The following PTPRK variants were observed in gnomAD, a reference collection of about 807,000 sequenced individuals.
PTPRK encodes protein tyrosine phosphatase receptor type K.
A neutral mutation model predicts 178.0 loss-of-function variants in PTPRK; 75 were observed. The ratio of observed to expected loss-of-function variants is 0.42; its 90% CI spans 0.35 to 0.51. PTPRK has a LOEUF of 0.51. Ranked by LOEUF, PTPRK falls within the 20% of genes least tolerant of loss-of-function variation. The pLI is 0.02. For missense variants in PTPRK, 1,441 were observed against 1,797.8 expected (o/e 0.80, Z 3.59); for synonymous variants, 637 against 620.6 (o/e 1.03, Z -0.39).
rs1269119964 is a variant in PTPRK, at chr6:127,969,768, T to C, written c.*459A>G. On this transcript the variant is annotated 3_prime_UTR_variant, in exon 30 of 30. Transcript: ENST00000368226. ...ATATTTATATAGAGATCTGCTACACTGGAAACATATAAAAAACGAACTTTA... is the reference window on the plus strand; with the variant it reads ...ATATTTATATAGAGATCTGCTACACCGGAAACATATAAAAAACGAACTTTA... 1 of 152,186 alleles carries C rather than the reference T, an allele frequency of 6.6e-6. No individual in the cohort carries two copies. Among genetic ancestry groups the C allele is most frequent in the Admixed American group, 6.6e-5 (1 of 15,266 alleles). 9.4% of individuals were successfully genotyped at this position (152,186 alleles called of 1,614,324 possible).
chr6:128,082,963 GA>G (rs1292309745), intron 9 of PTPRK, among the ~76,000 whole-genome samples: 1 of 151,878 alleles, frequency 6.6e-6, no homozygotes, highest in Non-Finnish European at 1.5e-5. Flanking sequence ...ATGAAACACA[GA>G]AAGTGTTTCA....
chr6:128,518,609 C>A (rs1858454452), intron 1 of PTPRK, among the ~76,000 whole-genome samples: 1 of 152,216 alleles, frequency 6.6e-6, no homozygotes, highest in African/African-American at 2.4e-5. Flanking sequence ...AATCAATACT[C>A]ACTCCAACTT....
At chr6:128,045,315 T>C (rs551605588) in intron 13 of PTPRK, among the ~76,000 whole-genome samples, 2 of 152,014 alleles carry the variant, frequency 1.3e-5, no homozygotes, top group Admixed American at 6.6e-5. Flanking sequence ...TATCATTTCT[T>C]TCCTCTATTT....
At chr6:128,296,001 C>T (rs928887276) in intron 3 of PTPRK, among the ~76,000 whole-genome samples, 6 of 152,118 alleles carry the variant, frequency 3.9e-5, no homozygotes, top group Admixed American at 1.3e-4. Flanking sequence ...AATCAAGTTC[C>T]TAGCAAGTTT....
At chr6:128,437,879 G>T (rs868772895) in intron 1 of PTPRK, among the ~76,000 whole-genome samples, 1 of 152,176 alleles carries the variant, frequency 6.6e-6, no homozygotes, top group Non-Finnish European at 1.5e-5. Context: ...TTCCCAGAAG[G>T]GCAGGGTTAA....
At chr6:128,033,378 G>A (rs913733107) in intron 13 of PTPRK, among the ~76,000 whole-genome samples, 1 of 152,202 alleles carries the variant, frequency 6.6e-6, no homozygotes, top group Non-Finnish European at 1.5e-5. Flanking sequence ...ATTCCAAAGA[G>A]TTTAGGACTA....
chr6:128,019,274 C>T (rs1251164399), intron 13 of PTPRK, among the ~76,000 whole-genome samples: 1 of 152,112 alleles, frequency 6.6e-6, no homozygotes, highest in African/African-American at 2.4e-5. Context: ...GGCACTTTCA[C>T]TTGGGAGAAA....
At chr6:128,231,422 A>G (rs1473630787) in intron 5 of PTPRK, among the ~76,000 whole-genome samples, 3 of 152,238 alleles carry the variant, frequency 2.0e-5, no homozygotes, top group Non-Finnish European at 4.4e-5. Context: ...GCTACTATTC[A>G]TCTATCAGCT....
At chr6:128,237,746 G>T (rs545530001) in intron 5 of PTPRK, among the ~76,000 whole-genome samples, 1 of 152,116 alleles carries the variant, frequency 6.6e-6, no homozygotes, top group Non-Finnish European at 1.5e-5. Context: ...GTTATTCTAC[G>T]TGAAATGAAA....
rs10223535 is a variant in PTPRK, at chr6:128,519,523, T to G, written c.100+736A>C. Among the ~76,000 whole-genome samples, 19,114 of 152,212 alleles carry G rather than the reference T, an allele frequency of 0.13. 1,338 individuals are homozygous for G. Among genetic ancestry groups the G allele is most frequent in the African/African-American group, 0.16 (6,684 of 41,542 alleles). On this transcript the variant is annotated intron_variant, in intron 1 of 29. Transcript: ENST00000368226. The surrounding 1 kb of genome is among the most constrained non-coding windows in gnomAD (Gnocchi z 4.3). Reference sequence around the variant, plus strand: ...GCGCGGGGCCAGCCTGGCGGTGGTTTTGCCCGAGGAGCGGGCTCCCACGCG... The same window carrying G: ...GCGCGGGGCCAGCCTGGCGGTGGTTGTGCCCGAGGAGCGGGCTCCCACGCG...
intron 2 of PTPRK, among the ~76,000 whole-genome samples, chr6:128,386,794 G>A (rs568595225): frequency 6.6e-6 from 1 of 152,316 alleles, no homozygotes; most frequent in South Asian, 2.1e-4. Context: ...CGGGCTGGGT[G>A]CAGTGGCTCA....
At chr6:128,183,037 T>A (rs149707641) in intron 7 of PTPRK, among the ~76,000 whole-genome samples, 35 of 152,322 alleles carry the variant, frequency 2.3e-4, no homozygotes, top group Non-Finnish European at 3.5e-4. Context: ...TATAAATGTA[T>A]GTATATGTAG....
chr6:128,193,192 T>C (rs976186167), intron 6 of PTPRK, among the ~76,000 whole-genome samples: 12 of 142,162 alleles, frequency 8.4e-5, no homozygotes, highest in Non-Finnish European at 1.8e-4. Flanking sequence ...TACTCTTTAA[T>C]TAAAAGAGTT....
At chr6:127,977,489 G>T (rs1028399135) in intron 25 of PTPRK, among the ~76,000 whole-genome samples, 1 of 152,122 alleles carries the variant, frequency 6.6e-6, no homozygotes, top group Non-Finnish European at 1.5e-5. Context: ...AATCATCTGG[G>T]TATGTGTATA....
At chr6:128,096,078 AG>A (rs1225834715) in intron 7 of PTPRK, among the ~76,000 whole-genome samples, 17 of 152,218 alleles carry the variant, frequency 1.1e-4, no homozygotes, top group African/African-American at 4.1e-4. Context: ...TGAAATATAA[AG>A]AAATGTCAGA....
chr6:128,311,605 G>A (rs906367337), intron 3 of PTPRK, among the ~76,000 whole-genome samples: 7 of 151,844 alleles, frequency 4.6e-5, no homozygotes, highest in African/African-American at 1.7e-4. Context: ...CCTTATAATT[G>A]GGAAACCTCA....
chr6:128,135,855 T>TAA (rs200754585), intron 7 of PTPRK, among the ~76,000 whole-genome samples: 4 of 150,008 alleles, frequency 2.7e-5, no homozygotes, highest in African/African-American at 9.8e-5. Context: ...ATAAAAATAA[T>TAA]AAAAAAAAAC....
chr6:128,253,033 G>A, intron 3 of PTPRK, among the ~76,000 whole-genome samples: 1 of 152,100 alleles, frequency 6.6e-6, no homozygotes, highest in East Asian at 1.9e-4. Flanking sequence ...AGAGACCACA[G>A]TATAAGGTAT....
chr6:128,255,765 C>T (rs576927709), intron 3 of PTPRK, among the ~76,000 whole-genome samples: 2 of 152,272 alleles, frequency 1.3e-5, no homozygotes, highest in South Asian at 2.1e-4. Flanking sequence ...TGGGACCCAC[C>T]GATCCATGGT....
Sources: gnomAD v4.1 joint callset for allele counts (sites outside exome capture counted in the v4.1 genomes callset) on GRCh38, gnomAD v4.1.1 for gene constraint, Gnocchi (gnomAD v3.1) non-coding constraint, MANE v1.5 for transcripts, NCBI Gene and HGNC (gene_info 2026-07-23, HGNC 2026-07-21) for gene names.